Variants in PLA2G4E observed in about 807,000 individuals in gnomAD.
The protein encoded by PLA2G4E is phospholipase A2 group IVE.
A neutral mutation model predicts 109.1 loss-of-function variants in PLA2G4E; 84 were observed. The ratio of observed to expected loss-of-function variants is 0.77; its 90% CI spans 0.65 to 0.92. The LOEUF is 0.92. Ranked by LOEUF, PLA2G4E falls within the 40% of genes least tolerant of loss-of-function variation. The pLI, the probability that PLA2G4E is intolerant of heterozygous loss-of-function variation, is 0.00. For missense variants in PLA2G4E, 1,057 were observed against 1,076.6 expected (o/e 0.98, Z 0.25); for synonymous variants, 469 against 436.1 (o/e 1.08, Z -0.94).
At chr15:42,005,083 T>TC (rs1450349292) in intron 4 of PLA2G4E, 105 bp from the exon 5 acceptor site, 23 of 1,338,940 alleles carry the variant, frequency 1.7e-5, no homozygotes, top group Non-Finnish European at 4.2e-6. Context: ...CCTCCGTCCT[T>TC]CCCCCACAGC....
intron 1 of PLA2G4E, 78 bp from the exon 2 acceptor site, chr15:42,013,835 A>C (rs2068562270): frequency 3.5e-6 from 4 of 1,136,292 alleles, no homozygotes; most frequent in Non-Finnish European, 5.0e-6. Flanking sequence ...CTTTCCCGCT[A>C]TGCCTCCTCA....
chr15:42,027,714 A>G (rs2068704345), intron 1 of PLA2G4E, among the ~76,000 whole-genome samples: 2 of 152,056 alleles, frequency 1.3e-5, no homozygotes, highest in Non-Finnish European at 2.9e-5. Context: ...TTTTCCCTTC[A>G]CACCCAAGCT....
chr15:42,025,663 G>A (rs1278282799), intron 1 of PLA2G4E, among the ~76,000 whole-genome samples: 4 of 152,174 alleles, frequency 2.6e-5, no homozygotes, highest in Non-Finnish European at 1.5e-5. Flanking sequence ...TATCTTATCT[G>A]TGTTTTACTG....
chr15:41,987,462 C>T lies in PLA2G4E; in HGVS notation c.1832-87G>A, dbSNP rs1595556195. On this transcript the variant is annotated intron_variant, in intron 16 of 19. Coordinates refer to ENST00000399518, the Ensembl canonical transcript of PLA2G4E. ...CGAAGCCCCACATGGTTGCCTGGCA[C>T]CCAGGGGTGAGCACTGTAAAAGCAG... 7.0e-5 allele frequency: 90 copies of T among 1,284,544 alleles called. 1 individual carries two copies. The South Asian group carries it at 1.2e-3, about 16-fold the overall frequency. 79.6% of individuals were successfully genotyped at this position (1,284,544 alleles called of 1,614,324 possible).
Position 41,987,207 on chromosome 15 carries a change from T to G in PLA2G4E, c.2000A>C (p.Asn667Thr), listed in dbSNP as rs141924973. 2.7e-5 allele frequency: 44 copies of G among 1,614,010 alleles called. No homozygotes were observed. In the East Asian group the frequency reaches 9.8e-4, roughly 36 times the overall value. The change falls in exon 17 of 20, where the codon AAC (asparagine) becomes ACC (threonine). Residue 667 changes from asparagine to threonine, a missense_variant. Coordinates refer to ENST00000399518, the Ensembl canonical transcript of PLA2G4E. ...AGAGAACTGGCCATTCTGGAGGTAG[T>G]TGGTGTGCAGCTGCAGCCCAGACAG...
chr15:41,985,451 G>T (rs758781473), intron 18 of PLA2G4E, among the ~76,000 whole-genome samples: 19 of 152,212 alleles, frequency 1.2e-4, no homozygotes, highest in Admixed American at 5.2e-4. Flanking sequence ...TTCATGGAGG[G>T]TCATATACCC....
chr15:41,996,783 G>A (rs191107078), intron 11 of PLA2G4E, among the ~76,000 whole-genome samples: 9 of 152,376 alleles, frequency 5.9e-5, no homozygotes, highest in African/African-American at 2.2e-4. Context: ...GGGTGGAGGT[G>A]TGGGGTGCAG....
chr15:42,001,028 G>A (rs2068412581), intron 7 of PLA2G4E, 129 bp downstream of exon 7: 2 of 888,920 alleles, frequency 2.2e-6, no homozygotes, highest in African/African-American at 3.4e-5. Context: ...TGATTCTGAG[G>A]GGTTTCAGCC....
At chr15:42,004,739 G>C (rs978397520) in intron 5 of PLA2G4E, among the ~76,000 whole-genome samples, 199 bp downstream of exon 5, 1 of 152,228 alleles carries the variant, frequency 6.6e-6, no homozygotes, top group Non-Finnish European at 1.5e-5. Context: ...CTGGGTAAGT[G>C]CAGTGGGGCC....
exon 8 of PLA2G4E, chr15:42,000,274 G>T: frequency 6.4e-7 from 1 of 1,568,048 alleles, no homozygotes; most frequent in Non-Finnish European, 8.6e-7. Flanking sequence ...ATCACCAGGA[G>T]GTCCTTCACT....
chr15:42,007,967 A>C, intron 2 of PLA2G4E, 102 bp from the exon 3 acceptor site: 122 of 1,271,850 alleles, frequency 9.6e-5, no homozygotes, highest in Non-Finnish European at 1.3e-4. Flanking sequence ...GCCCCATCTC[A>C]GCTCCAGTTC....
rs2068320417 is a variant in PLA2G4E, at chr15:41,995,349, T to A, written c.1247+11A>T. 1 of 1,610,562 alleles carries A rather than the reference T, an allele frequency of 6.2e-7. No individual in the cohort carries two copies. Among genetic ancestry groups the A allele is most frequent in the Non-Finnish European group, 8.5e-7 (1 of 1,177,176 alleles). On this transcript the variant is annotated intron_variant, in intron 12 of 19. Coordinates refer to ENST00000399518, the Ensembl canonical transcript of PLA2G4E. ...CCTGGGCTCCACAGACAGTGGCTCATGTCTCCTTACCAGGTGGCCCCTGAT... is the reference window on the plus strand; with the variant it reads ...CCTGGGCTCCACAGACAGTGGCTCAAGTCTCCTTACCAGGTGGCCCCTGAT...
At chr15:42,023,640 T>C (rs2068667788) in intron 1 of PLA2G4E, among the ~76,000 whole-genome samples, 1 of 152,024 alleles carries the variant, frequency 6.6e-6, no homozygotes, top group Non-Finnish European at 1.5e-5. Flanking sequence ...CTGAAAGTCA[T>C]GGGGTCCCAT....
At chr15:42,015,633 GAGAC>G (rs1457583911) in intron 1 of PLA2G4E, among the ~76,000 whole-genome samples, 2 of 152,238 alleles carry the variant, frequency 1.3e-5, no homozygotes, top group Non-Finnish European at 2.9e-5. Context: ...ATACTAGGCA[GAGAC>G]AGAGGTTAAA....
intron 2 of PLA2G4E, among the ~76,000 whole-genome samples, chr15:42,013,246 C>CAAA (rs1456565343): frequency 6.6e-6 from 1 of 152,194 alleles, no homozygotes; most frequent in Admixed American, 6.5e-5. Flanking sequence ...AGTCACCTGG[C>CAAA]AGCTGGCTCC....
chr15:41,987,497 T>A, intron 16 of PLA2G4E, 122 bp from the exon 17 acceptor site: 1 of 860,398 alleles, frequency 1.2e-6, no homozygotes, highest in South Asian at 1.7e-5. Context: ...GCTCATACCT[T>A]CCTTGCTGGG....
chr15:41,985,603 G>C (rs2068127319), intron 18 of PLA2G4E, among the ~76,000 whole-genome samples: 1 of 152,252 alleles, frequency 6.6e-6, no homozygotes, highest in Non-Finnish European at 1.5e-5. Context: ...CAAGGCAAGA[G>C]TAAAATTCGA....
At chr15:42,022,047 G>A (rs1489178637) in intron 1 of PLA2G4E, among the ~76,000 whole-genome samples, 1 of 152,090 alleles carries the variant, frequency 6.6e-6, no homozygotes, top group East Asian at 1.9e-4. Context: ...CCAAGGATGG[G>A]GACTCAGCAC....
intron 1 of PLA2G4E, among the ~76,000 whole-genome samples, chr15:42,029,479 AT>A (rs1175911302): frequency 6.6e-6 from 1 of 152,190 alleles, no homozygotes; most frequent in Non-Finnish European, 1.5e-5. Context: ...TTTCAGCTAG[AT>A]GCCAGGCTTT....
Sources: allele counts gnomAD v4.1 joint callset (sites outside exome capture counted in the v4.1 genomes callset), GRCh38; gene constraint gnomAD v4.1.1; transcripts MANE v1.5; gene names NCBI Gene and HGNC (gene_info 2026-07-23, HGNC 2026-07-21).